DCLK2: variants seen among roughly 807,000 people sequenced by gnomAD.
DCLK2 encodes the protein serine/threonine-protein kinase DCLK2.
Under a neutral mutation model 78.4 loss-of-function variants are expected in DCLK2, and 31 were observed. That is an observed-to-expected ratio of 0.40 (90% CI 0.30 to 0.53). DCLK2 has a LOEUF of 0.53. Among genes scored for constraint, DCLK2 ranks in the 20% least tolerant of loss-of-function variants. DCLK2 has a pLI of 0.61. For synonymous variants in DCLK2, 407 were observed against 374.9 expected (o/e 1.09, Z -0.99); for missense variants, 872 against 973.7 (o/e 0.90, Z 1.39).
intron 2 of DCLK2, among the ~76,000 whole-genome samples, chr4:150,105,835 A>G (rs953653670): frequency 6.6e-6 from 1 of 152,112 alleles, no homozygotes. Context: ...TATGTTTTCA[A>G]TTCTTTGTAC....
At chr4:150,246,561 C>G (rs1366196459) in intron 12 of DCLK2, among the ~76,000 whole-genome samples, 1 of 152,184 alleles carries the variant, frequency 6.6e-6, no homozygotes, top group Non-Finnish European at 1.5e-5. Context: ...TTAACTTGCA[C>G]TCCTGGATTT....
intron 1 of DCLK2, among the ~76,000 whole-genome samples, chr4:150,089,592 C>G (rs969647581): frequency 6.6e-6 from 1 of 152,132 alleles, no homozygotes; most frequent in Non-Finnish European, 1.5e-5. Flanking sequence ...AATCCAGCAT[C>G]CAAATTGCAG....
intron 10 of DCLK2, among the ~76,000 whole-genome samples, chr4:150,235,886 G>A (rs1347808889): frequency 6.6e-6 from 1 of 152,212 alleles, no homozygotes; most frequent in Non-Finnish European, 1.5e-5. Context: ...CCCTGCCAGT[G>A]GAGATGTATG....
intron 8 of DCLK2, among the ~76,000 whole-genome samples, chr4:150,231,626 C>G (rs183494718): frequency 6.6e-6 from 1 of 152,154 alleles, no homozygotes; most frequent in Non-Finnish European, 1.5e-5. Flanking sequence ...AAACATTTTG[C>G]TACAGTGCTG....
chr4:150,127,078 T>A (rs1472431402), intron 2 of DCLK2, among the ~76,000 whole-genome samples: 1 of 152,234 alleles, frequency 6.6e-6, no homozygotes, highest in Non-Finnish European at 1.5e-5. Context: ...TTTCAGTGAA[T>A]CATAACAGAA....
At chr4:150,182,445 T>A (rs573589417) in intron 2 of DCLK2, among the ~76,000 whole-genome samples, 1 of 152,154 alleles carries the variant, frequency 6.6e-6, no homozygotes, top group African/African-American at 2.4e-5. Context: ...TTAGTTACAA[T>A]GTAGTTAATT....
chr4:150,114,760 T>C (rs1560783554), intron 2 of DCLK2, among the ~76,000 whole-genome samples: 1 of 152,224 alleles, frequency 6.6e-6, no homozygotes, highest in Non-Finnish European at 1.5e-5. Context: ...AGTCTTCCAT[T>C]AGTCTGATAG....
At position 150,257,138 on chromosome 4, in the gene DCLK2, T is replaced by G. The variant is rs908742346; in HGVS notation, c.*891T>G. 1 of 152,550 alleles carries G rather than the reference T, an allele frequency of 6.6e-6. No homozygotes were observed. The highest frequency in any genetic ancestry group is 2.4e-5 in the African/African-American group (1 of 41,470). The allele number at this position is 152,550 out of a possible 1,614,324, so 9.4% of individuals were successfully genotyped here. The stretch of plus-strand genomic sequence containing the variant: ...TCTGCTCCTGAGCCCCGGTAGCTGC[T>G]TCCTCATCTGCATTTCATCTGGAGC... On this transcript the variant is annotated 3_prime_UTR_variant, in exon 16 of 16. Coordinates refer to ENST00000296550, the MANE Select transcript of DCLK2 (RefSeq NM_001040260.4).
intron 15 of DCLK2, among the ~76,000 whole-genome samples, chr4:150,252,811 C>G (rs62344504): frequency 6.6e-6 from 1 of 152,204 alleles, no homozygotes; most frequent in Admixed American, 6.5e-5. Context: ...GGTGTCCCCT[C>G]TAACCCCATG....
chr4:150,190,221 G>GGATA (rs1454020341), intron 2 of DCLK2, among the ~76,000 whole-genome samples: 13 of 127,090 alleles, frequency 1.0e-4, no homozygotes, highest in East Asian at 8.9e-4. Context: ...ATAGATAGAT[G>GGATA]GATAGATGGA....
In DCLK2 at chr4:150,109,583, C is replaced by T. The variant is rs140466843; in HGVS notation, c.756+6771C>T. Among the ~76,000 whole-genome samples, 289 of 152,252 alleles carry T rather than the reference C, an allele frequency of 1.9e-3. 1 individual carries two copies. Among genetic ancestry groups the T allele is most frequent in the African/African-American group, 6.5e-3 (271 of 41,544 alleles). ...CGATCTCCTGACATCGTGTTCCGCC[C>T]GCCTCGGCCTCCCAAAGTGCTGGGA... is the stretch of plus-strand genomic sequence containing the variant. On this transcript the variant is annotated intron_variant, in intron 2 of 15. Transcript: ENST00000296550.
intron 1 of DCLK2, among the ~76,000 whole-genome samples, chr4:150,083,155 A>C (rs561121086): frequency 2.0e-5 from 3 of 152,194 alleles, no homozygotes; most frequent in African/African-American, 4.8e-5. Context: ...GCCAGAACCC[A>C]TCTTCCAGAA....
At chr4:150,115,021 A>G (rs1731973172) in intron 2 of DCLK2, among the ~76,000 whole-genome samples, 1 of 152,174 alleles carries the variant, frequency 6.6e-6, no homozygotes, top group African/African-American at 2.4e-5. Flanking sequence ...CTGGTATACC[A>G]ATGGTTCTTA....
chr4:150,168,139 C>T (rs1410383682), intron 2 of DCLK2, among the ~76,000 whole-genome samples: 7 of 152,040 alleles, frequency 4.6e-5, no homozygotes, highest in African/African-American at 9.7e-5. Context: ...GTCAGGAGAT[C>T]GAGACCATCC....
chr4:150,158,009 G>A (rs1055374805), intron 2 of DCLK2, among the ~76,000 whole-genome samples: 1 of 152,182 alleles, frequency 6.6e-6, no homozygotes, highest in African/African-American at 2.4e-5. Context: ...TAATATCTAC[G>A]ATGTTTAGCT....
intron 2 of DCLK2, among the ~76,000 whole-genome samples, chr4:150,114,682 G>A (rs1256351847): frequency 6.6e-6 from 1 of 152,194 alleles, no homozygotes; most frequent in Non-Finnish European, 1.5e-5. Flanking sequence ...TTGGCTGACA[G>A]TTATTCTGTT....
intron 15 of DCLK2, among the ~76,000 whole-genome samples, chr4:150,251,879 C>T (rs1350856984): frequency 2.6e-5 from 4 of 151,510 alleles, no homozygotes; most frequent in African/African-American, 9.7e-5. Context: ...TATGTGGCCA[C>T]CCTCTGTGTG....
At chr4:150,240,548 T>C in intron 12 of DCLK2, 72 bp downstream of exon 12, 2 of 1,361,882 alleles carry the variant, frequency 1.5e-6, no homozygotes, top group South Asian at 1.4e-5. Context: ...GGTACTTTGC[T>C]CCTGGAAGTC....
At position 150,232,438 on chromosome 4, in the gene DCLK2, G is replaced by C. The variant is rs773666965; in HGVS notation, c.1401G>C (p.Leu467=). The C allele has an allele frequency of 6.2e-7, 1 of 1,613,994 alleles. No individual in the cohort carries two copies. Among genetic ancestry groups the C allele is most frequent in the Non-Finnish European group, 8.5e-7 (1 of 1,179,976 alleles). Residue 467 remains leucine, a synonymous_variant, in exon 9 of 16, where the codon CTG becomes CTC. Transcript: ENST00000296550. ...EEMETATELF[L]VMELVKGGDL... ...TGGAAACAGCAACTGAGCTCTTTCT[G>C]GTGATGGAATTGGTCAAAGTAAGAG...
Sources: allele counts gnomAD v4.1 joint callset (sites outside exome capture counted in the v4.1 genomes callset), GRCh38; gene constraint gnomAD v4.1.1; transcripts MANE v1.5; gene names NCBI Gene and HGNC (gene_info 2026-07-23, HGNC 2026-07-21).